GALP: variants seen among roughly 807,000 people sequenced by gnomAD.
The protein encoded by GALP is galanin like peptide.
In GALP, 12 loss-of-function variants were observed where a neutral mutation model predicts 15.2. That is an observed-to-expected ratio of 0.79 (90% CI 0.51 to 1.28). The LOEUF (loss-of-function observed/expected upper bound fraction) is 1.28. Among genes scored for constraint, GALP ranks in the 50% most tolerant of loss-of-function variants. The pLI, the probability that GALP is intolerant of heterozygous loss-of-function variation, is 0.00. For synonymous variants in GALP, 58 were observed against 55.1 expected (o/e 1.05, Z -0.23); for missense variants, 161 against 145.6 (o/e 1.11, Z -0.55).
At chr19:56,183,732 G>A (rs966736525) in intron 5 of GALP, among the ~76,000 whole-genome samples, 7 of 152,072 alleles carry the variant, frequency 4.6e-5, no homozygotes, top group African/African-American at 7.2e-5. Context: ...CGAGTAGCTG[G>A]GATTACAGGC....
chr19:56,182,277 C>T, intron 4 of GALP, 25 bp downstream of exon 4: 1 of 1,560,444 alleles, frequency 6.4e-7, no homozygotes, highest in Non-Finnish European at 8.8e-7. Context: ...AGTTAGACGT[C>T]TTCTCCTGCG....
In GALP at chr19:56,182,155, T is replaced by C. The variant is rs755981643; in HGVS notation, c.137-17T>C. ...CTTAACCGACCACCTGCTCTTGCTC[T>C]CTCCCTCCCTACCCAGTCCTCCACC... is the stretch of plus-strand genomic sequence containing the variant. On this transcript the variant is annotated splice_polypyrimidine_tract_variant and intron_variant, in intron 3 of 5. Transcript: ENST00000357330. 8.8e-6 allele frequency: 14 copies of C among 1,596,956 alleles called. No individual in the cohort carries two copies. In the East Asian group the frequency reaches 2.5e-4, roughly 28 times the overall value.
intron 2 of GALP, among the ~76,000 whole-genome samples, chr19:56,179,312 C>CTT (rs59121203): frequency 0.35 from 48,484 of 139,660 alleles, 8,862 homozygotes; most frequent in African/African-American, 0.49. Flanking sequence ...CTCTTTCTTT[C>CTT]TTTTTTTTTT....
rs16987029 is a variant in GALP, at chr19:56,177,201, G to A, written c.87+6G>A. 0.064 allele frequency: 103,393 copies of A among 1,609,080 alleles called. 6,228 individuals are homozygous for A. Among genetic ancestry groups the A allele is most frequent in the East Asian group, 0.34 (15,268 of 44,724 alleles). ...CATCCGCACCTGCCCACCGGGTAAC[G>A]CCTCCCTAAGTTCCTCGGAAACAAC... On this transcript the variant is annotated splice_donor_region_variant and intron_variant, in intron 2 of 5. Coordinates refer to ENST00000357330, the MANE Select transcript of GALP (RefSeq NM_033106.4).
intron 3 of GALP, 27 bp downstream of exon 3, chr19:56,180,661 A>T: frequency 6.2e-7 from 1 of 1,606,598 alleles, no homozygotes; most frequent in South Asian, 1.1e-5. Context: ...TCAGCTCTCC[A>T]TCCCTGGCCC....
Position 56,181,246 on chromosome 19 carries a change from A to G in GALP, c.136+612A>G, listed in dbSNP as rs889155076. 1.2e-4 allele frequency among the ~76,000 whole-genome samples: 18 copies of G among 151,730 alleles called. 1 individual carries two copies. The highest frequency in any genetic ancestry group is 3.6e-4 in the African/African-American group (15 of 41,340). On this transcript the variant is annotated intron_variant, in intron 3 of 5. Coordinates refer to ENST00000357330, the MANE Select transcript of GALP (RefSeq NM_033106.4). ...ACCTGGCTGCAACCTTGATCTCCCT[A>G]TGCCTCAGTTTCCTCATCTGTGACA...
intron 1 of GALP, 33 bp downstream of exon 1, chr19:56,176,095 G>GCTGCC (rs2032451042): frequency 6.0e-6 from 1 of 165,520 alleles, no homozygotes; most frequent in East Asian, 2.0e-4. Context: ...CAGAGGGGCG[G>GCTGCC]ATCCCAGCTG....
At position 56,183,178 on chromosome 19, in the gene GALP, T is replaced by C; in HGVS notation, c.261T>C (p.Asn87=). The change falls in exon 5 of 6, where the codon AAT becomes AAC. Residue 87 remains asparagine, a synonymous_variant. Coordinates refer to ENST00000357330, the MANE Select transcript of GALP (RefSeq NM_033106.4). ...YSHPPQPSKR[N]VMETFAKPEI... ...ACCCTCCACAGCCCTCCAAGAGGAATGTGATGGAGACGTTTGCCAAACCAG... is the reference window on the plus strand; with the variant it reads ...ACCCTCCACAGCCCTCCAAGAGGAACGTGATGGAGACGTTTGCCAAACCAG... The C allele has an allele frequency of 6.2e-7, 1 of 1,613,782 alleles. No individual in the cohort carries two copies.
chr19:56,179,000 C>T (rs749544080), intron 2 of GALP, among the ~76,000 whole-genome samples: 3 of 152,070 alleles, frequency 2.0e-5, no homozygotes, highest in Non-Finnish European at 4.4e-5. Flanking sequence ...CATGGCGAAA[C>T]CCCCTGTCTC....
At chr19:56,177,498 G>A (rs1162736359) in intron 2 of GALP, among the ~76,000 whole-genome samples, 12 of 135,994 alleles carry the variant, frequency 8.8e-5, no homozygotes, top group Admixed American at 7.7e-5. Flanking sequence ...GTGACAGAGC[G>A]AGACTCCATC....
At position 56,177,128 on chromosome 19, in the gene GALP, C is replaced by G; in HGVS notation, c.20C>G (p.Pro7Arg). ...CCTTCGATGGCTCCTCCCTCCGTCCCCCTGGTCCTCCTCCTCGTCCTCTTG... is the reference window on the plus strand; with the variant it reads ...CCTTCGATGGCTCCTCCCTCCGTCCGCCTGGTCCTCCTCCTCGTCCTCTTG... MAPPSV[P>R]LVLLLVLLLS... The change falls in exon 2 of 6, where the codon CCC (proline) becomes CGC (arginine). Residue 7 changes from proline (P) to arginine (R), a missense_variant. By Grantham distance (103) the Pro-to-Arg change is moderately radical. Coordinates refer to ENST00000357330, the MANE Select transcript of GALP (RefSeq NM_033106.4). 1 of 1,613,510 alleles carries G rather than the reference C, an allele frequency of 6.2e-7. No individual in the cohort carries two copies. Among genetic ancestry groups the G allele is most frequent in the Non-Finnish European group, 8.5e-7 (1 of 1,179,836 alleles).
intron 2 of GALP, among the ~76,000 whole-genome samples, chr19:56,178,083 T>G (rs546895495): frequency 2.0e-5 from 3 of 152,002 alleles, no homozygotes; most frequent in Non-Finnish European, 2.9e-5. Context: ...GTAATTACCT[T>G]GATGGAGTCA....
At chr19:56,185,142 C>T in intron 5 of GALP, 73 bp from the exon 6 acceptor site, 1 of 976,462 alleles carries the variant, frequency 1.0e-6, no homozygotes, top group Non-Finnish European at 1.6e-6. Flanking sequence ...CTCTACTAAA[C>T]ATACAAAAAT....
At chr19:56,179,374 G>C (rs62120813) in intron 2 of GALP, among the ~76,000 whole-genome samples, 1 of 147,708 alleles carries the variant, frequency 6.8e-6, no homozygotes, top group Non-Finnish European at 1.5e-5. Flanking sequence ...GTGGCGCAAT[G>C]TCAGCTCACT....
At chr19:56,179,750 C>T (rs2032530891) in intron 2 of GALP, among the ~76,000 whole-genome samples, 1 of 151,112 alleles carries the variant, frequency 6.6e-6, no homozygotes, top group African/African-American at 2.4e-5. Context: ...CTAAAGTGAT[C>T]CTCCCACCTA....
At chr19:56,183,820 A>G (rs1485894052) in intron 5 of GALP, among the ~76,000 whole-genome samples, 1 of 151,114 alleles carries the variant, frequency 6.6e-6, no homozygotes, top group African/African-American at 2.4e-5. Flanking sequence ...CTGGTCCTGA[A>G]CTCCTGACTT....
chr19:56,176,358 C>G (rs12979010), intron 1 of GALP, among the ~76,000 whole-genome samples: 9 of 43,414 alleles, frequency 2.1e-4, no homozygotes, highest in South Asian at 1.0e-3. Flanking sequence ...CCCAGCTGCA[C>G]CGGGGTGAGA....
chr19:56,183,565 C>T (rs944045125), intron 5 of GALP, among the ~76,000 whole-genome samples: 1 of 152,204 alleles, frequency 6.6e-6, no homozygotes, highest in Non-Finnish European at 1.5e-5. Context: ...TGACGTCAAA[C>T]CTCTCACTTT....
chr19:56,184,248 G>T (rs927749947), intron 5 of GALP, among the ~76,000 whole-genome samples: 1 of 152,070 alleles, frequency 6.6e-6, no homozygotes, highest in Non-Finnish European at 1.5e-5. Context: ...GAGCCACCAC[G>T]CCAGGGACCG....
Sources: allele counts gnomAD v4.1 joint callset (sites outside exome capture counted in the v4.1 genomes callset), GRCh38; gene constraint gnomAD v4.1.1; transcripts MANE v1.5; gene names NCBI Gene and HGNC (gene_info 2026-07-23, HGNC 2026-07-21).